THSD7B: variants seen among roughly 807,000 people sequenced by gnomAD.
The protein encoded by THSD7B is thrombospondin type 1 domain containing 7B.
A neutral mutation model predicts 213.6 loss-of-function variants in THSD7B; 138 were observed. That is an observed-to-expected ratio of 0.65 (90% CI 0.56 to 0.74). The LOEUF is 0.74. THSD7B is among the 30% of genes least tolerant of loss of function. The pLI, the probability that THSD7B is intolerant of heterozygous loss-of-function variation, is 0.00. For missense variants in THSD7B, 1,931 were observed against 1,991.5 expected, an observed-to-expected ratio of 0.97 and a Z score of 0.58; for synonymous variants, 742 against 687.0, an observed-to-expected ratio of 1.08 and a Z score of -1.25.
At chr2:137,638,208 A>G (rs572572849) in intron 20 of THSD7B, among the ~76,000 whole-genome samples, 60 of 152,314 alleles carry the variant, frequency 3.9e-4, no homozygotes, top group African/African-American at 1.2e-3. Flanking sequence ...ACCAAATCTC[A>G]AACTTGAATT....
chr2:137,217,315 T>A (rs1421874501), intron 7 of THSD7B, among the ~76,000 whole-genome samples: 3 of 152,228 alleles, frequency 2.0e-5, no homozygotes, highest in African/African-American at 7.2e-5. Context: ...AAGGAACTTA[T>A]GGAAAATCTA....
chr2:137,049,492 T>C (rs1448453176), intron 2 of THSD7B, among the ~76,000 whole-genome samples: 1 of 152,220 alleles, frequency 6.6e-6, no homozygotes, highest in Non-Finnish European at 1.5e-5. Flanking sequence ...AAGGCACATA[T>C]GGTATTGGGA....
chr2:137,124,337 G>C (rs2104946654), intron 5 of THSD7B, among the ~76,000 whole-genome samples: 1 of 152,328 alleles, frequency 6.6e-6, no homozygotes, highest in South Asian at 2.1e-4. Flanking sequence ...CTGGCAAGTA[G>C]GATATAGAAG....
intron 2 of THSD7B, among the ~76,000 whole-genome samples, chr2:137,009,624 G>GA (rs1291975350): frequency 1.3e-5 from 2 of 152,048 alleles, no homozygotes; most frequent in Non-Finnish European, 2.9e-5. Context: ...AGACAAGAGA[G>GA]AATGAAAACC....
intron 5 of THSD7B, among the ~76,000 whole-genome samples, chr2:137,158,945 A>G (rs9287467): frequency 0.64 from 97,167 of 152,014 alleles, 31,874 homozygotes; most frequent in Non-Finnish European, 0.71. Context: ...TTGTTAAAAA[A>G]AACTCTAGAT....
chr2:137,433,592 G>T (rs1486742088), intron 14 of THSD7B, among the ~76,000 whole-genome samples: 3 of 151,982 alleles, frequency 2.0e-5, no homozygotes, highest in African/African-American at 7.2e-5. Flanking sequence ...GACCTCAAGT[G>T]ATCCACTCTC....
intron 3 of THSD7B, among the ~76,000 whole-genome samples, chr2:137,079,332 A>G (rs1033989300): frequency 3.9e-5 from 6 of 152,076 alleles, no homozygotes; most frequent in Non-Finnish European, 8.8e-5. Context: ...GTTAAGTTAT[A>G]CTGTTATTAG....
At chr2:137,303,686 A>T (rs1214021542) in intron 12 of THSD7B, among the ~76,000 whole-genome samples, 1 of 114,752 alleles carries the variant, frequency 8.7e-6, no homozygotes, top group Non-Finnish European at 1.9e-5. Context: ...ATATATATTT[A>T]TATATATTTA....
rs538843919 is a variant in THSD7B at position 136,879,728 on chromosome 2, T to C, written c.-35-2416T>C. 1.8e-4 allele frequency among the ~76,000 whole-genome samples: 28 copies of C among 152,170 alleles called. No individual in the cohort carries two copies. In the South Asian group the frequency reaches 5.8e-3, roughly 32 times the overall value. ...TGCTGTATTCAGGAAACCCATTTCA[T>C]GTGCAGAGACACACATAGGCTCAAA... On this transcript the variant is annotated intron_variant, in intron 1 of 27. Transcript: ENST00000409968.
intron 1 of THSD7B, among the ~76,000 whole-genome samples, chr2:136,784,744 CCT>C (rs1170313051): frequency 2.0e-5 from 3 of 152,106 alleles, no homozygotes; most frequent in South Asian, 2.1e-4. Flanking sequence ...GTTAACCTTT[CCT>C]CTGTTAGTAG....
chr2:137,502,472 A>G (rs1169039192), intron 15 of THSD7B, among the ~76,000 whole-genome samples: 3 of 152,180 alleles, frequency 2.0e-5, no homozygotes, highest in Non-Finnish European at 2.9e-5. Context: ...AATGGAGTAC[A>G]TTGATTCCAT....
chr2:137,291,139 A>G (rs1434274219), intron 12 of THSD7B, among the ~76,000 whole-genome samples: 6 of 152,136 alleles, frequency 3.9e-5, no homozygotes, highest in African/African-American at 1.4e-4. Context: ...CATAATCTAC[A>G]AACGCTCATC....
intron 15 of THSD7B, among the ~76,000 whole-genome samples, chr2:137,473,614 T>C (rs1395513840): frequency 6.6e-6 from 1 of 152,148 alleles, no homozygotes; most frequent in Non-Finnish European, 1.5e-5. Context: ...AAATTAGTCA[T>C]GTTGAATATT....
At position 136,906,936 on chromosome 2, in the gene THSD7B, G is replaced by GTTTTTTTT. The variant is rs57887270; in HGVS notation, c.139+24641_139+24648dup. Among the ~76,000 whole-genome samples, 179 of 55,132 alleles carry GTTTTTTTT rather than the reference G, an allele frequency of 3.2e-3. 28 individuals are homozygous for GTTTTTTTT. Among genetic ancestry groups the GTTTTTTTT allele is most frequent in the African/African-American group, 0.01 (113 of 11,282 alleles). The allele number at this position is 55,132 out of a possible 152,430, so 36.2% of individuals were successfully genotyped here. On this transcript the variant is annotated intron_variant, in intron 2 of 27. Transcript: ENST00000409968. ...ATTCATAGATTCCTTACATTTCAAG[G>GTTTTTTTT]TTTTTTTTTTTTTTTTTTTTTTTTT...
chr2:137,248,067 T>C (rs1682082844), intron 10 of THSD7B, among the ~76,000 whole-genome samples: 1 of 152,102 alleles, frequency 6.6e-6, no homozygotes, highest in Admixed American at 6.6e-5. Flanking sequence ...CTCAAACCAA[T>C]CAGAATCTCT....
chr2:137,379,342 C>A (rs555036646), intron 12 of THSD7B, among the ~76,000 whole-genome samples: 2 of 152,294 alleles, frequency 1.3e-5, no homozygotes, highest in African/African-American at 4.8e-5. Flanking sequence ...ATGGTACTTA[C>A]GAGTCAATTA....
intron 5 of THSD7B, among the ~76,000 whole-genome samples, chr2:137,141,032 C>T (rs1679575253): frequency 6.6e-6 from 1 of 152,122 alleles, no homozygotes; most frequent in Non-Finnish European, 1.5e-5. Flanking sequence ...GAGGACTTAA[C>T]AAGTGCAAAG....
chr2:137,407,076 A>T (rs1686541195), intron 13 of THSD7B, among the ~76,000 whole-genome samples: 1 of 152,160 alleles, frequency 6.6e-6, no homozygotes, highest in Non-Finnish European at 1.5e-5. Context: ...ATTAGTGGCC[A>T]GTTTTTTTCT....
intron 3 of THSD7B, among the ~76,000 whole-genome samples, chr2:137,084,944 A>C (rs999673909): frequency 2.0e-5 from 3 of 152,186 alleles, no homozygotes; most frequent in African/African-American, 7.2e-5. Context: ...ATGGTCCTAA[A>C]AATTACCCCC....
Sources: allele counts gnomAD v4.1 joint callset (sites outside exome capture counted in the v4.1 genomes callset), GRCh38; gene constraint gnomAD v4.1.1; transcripts MANE v1.5; gene names NCBI Gene and HGNC (gene_info 2026-07-23, HGNC 2026-07-21).